The following IGF2R variants were observed in gnomAD, a reference collection of about 807,000 sequenced individuals.
IGF2R encodes the protein cation-independent mannose-6-phosphate receptor.
A neutral mutation model predicts 270.6 loss-of-function variants in IGF2R; 91 were observed. The observed-to-expected ratio is 0.34, with a 90% CI of 0.28 to 0.40. The LOEUF is 0.40. Ranked by LOEUF, IGF2R falls within the 10% of genes least tolerant of loss-of-function variation. The pLI, the probability that IGF2R is intolerant of heterozygous loss-of-function variation, is 1.00. For synonymous variants in IGF2R, 1,316 were observed against 1,258.9 expected (o/e 1.05, Z -0.96); for missense variants, 2,805 against 3,188.3 (o/e 0.88, Z 2.90).
At chr6:160,059,920 C>A (rs190802825) in intron 22 of IGF2R, among the ~76,000 whole-genome samples, 234 of 152,342 alleles carry the variant, frequency 1.5e-3, no homozygotes, top group Non-Finnish European at 2.8e-3. Flanking sequence ...AATAAGCCAA[C>A]GAATTAGAGT....
intron 1 of IGF2R, among the ~76,000 whole-genome samples, chr6:159,979,369 C>A (rs916360237): frequency 2.0e-5 from 3 of 152,208 alleles, no homozygotes; most frequent in Non-Finnish European, 2.9e-5. Flanking sequence ...AGTGGCAAGC[C>A]TGAGACTCCA....
Position 159,969,296 on chromosome 6 carries a change from G to A in IGF2R, c.50G>A (p.Arg17His). Residue 17 changes from arginine to histidine, a missense_variant, in exon 1 of 48, where the codon CGC becomes CAC. Arg to His is a conservative substitution (Grantham distance 29, BLOSUM62 0). This residue lies in a region of IGF2R where 954 missense variants were observed against 981.1 expected (regional missense o/e 0.97). Coordinates refer to ENST00000356956, the MANE Select transcript of IGF2R (RefSeq NM_000876.4). ...CCCCACCTGGGGCCCGCGCCCGCCC[G>A]CCGCCCGCAGCGCTCTCTGCTCCTG... ...RSPHLGPAPA[R>H]RPQRSLLLLQ... The A allele has an allele frequency of 1.6e-6, 2 of 1,227,108 alleles. No homozygotes were observed. The highest frequency in any genetic ancestry group is 2.0e-6 in the Non-Finnish European group (2 of 981,484). The allele number at this position is 1,227,108 out of a possible 1,614,324, so 76.0% of individuals were successfully genotyped here.
Position 159,970,200 on chromosome 6 carries a change from G to A in IGF2R, c.149+805G>A, listed in dbSNP as rs111631346. On this transcript the variant is annotated intron_variant, in intron 1 of 47. Transcript: ENST00000356956. ...CGCAACTGCTAGCAGTCCAGGGCCT[G>A]GGGAACTTCGAATTTCAGGAATTTT... 3.1e-4 allele frequency among the ~76,000 whole-genome samples: 47 copies of A among 152,260 alleles called. No homozygotes were observed. The East Asian group carries it at 7.5e-3, about 24-fold the overall frequency.
chr6:160,069,454 A>G (rs1778666720), intron 30 of IGF2R, among the ~76,000 whole-genome samples: 1 of 152,226 alleles, frequency 6.6e-6, no homozygotes, highest in African/African-American at 2.4e-5. Context: ...CACCCAGGGC[A>G]CATGGCACAG....
chr6:160,032,594 A>C lies in IGF2R; in HGVS notation c.926A>C (p.Glu309Ala). Residue 309 changes from glutamate (E) to alanine (A), a missense_variant, in exon 8 of 48, where the codon GAA becomes GCA. Glu to Ala is a moderately radical substitution (Grantham distance 107). Transcript: ENST00000356956. The stretch of plus-strand genomic sequence containing the variant: ...ACAGCTAAATCCAACTGCCGCTATG[A>C]AATTGAGTGGATTACTGAGTATGCC... The part of the protein sequence containing the change: ...KLTAKSNCRY[E>A]IEWITEYACH... 2 of 1,614,144 alleles carry C rather than the reference A, an allele frequency of 1.2e-6. No individual in the cohort carries two copies. Among genetic ancestry groups the C allele is most frequent in the Non-Finnish European group, 1.7e-6 (2 of 1,179,994 alleles).
chr6:160,062,675 C>T, intron 26 of IGF2R, 56 bp downstream of exon 26: 1 of 1,252,552 alleles, frequency 8.0e-7, no homozygotes, highest in South Asian at 1.2e-5. Context: ...AGCAGACGTT[C>T]TGAACGATGC....
At chr6:160,065,052 G>C (rs867609860) in intron 29 of IGF2R, 151 bp downstream of exon 29, 1 of 623,058 alleles carries the variant, frequency 1.6e-6, no homozygotes, top group South Asian at 1.9e-5. Context: ...AGTCGGGCTA[G>C]GTTAACTCTC....
chr6:160,108,570 G>A lies in IGF2R; in HGVS notation c.*3486G>A, dbSNP rs964835844. On this transcript the variant is annotated 3_prime_UTR_variant, in exon 48 of 48. Transcript: ENST00000356956. Reference sequence around the variant, plus strand: ...AGCTGAGAAGCCTCAGACTGCCTGCGAGGCTCTCTCTGGGAGGAAGTCAGG... The same window carrying A: ...AGCTGAGAAGCCTCAGACTGCCTGCAAGGCTCTCTCTGGGAGGAAGTCAGG... 6 of 152,252 alleles carry A rather than the reference G, an allele frequency of 3.9e-5. No homozygotes were observed. Among genetic ancestry groups the A allele is most frequent in the African/African-American group, 1.4e-4 (6 of 41,458 alleles). The allele number at this position is 152,252 out of a possible 1,614,324, so 9.4% of individuals were successfully genotyped here. A position where few individuals can be genotyped will look rare whatever the true frequency, so the allele number is the denominator to read the frequency against.
chr6:160,031,353 G>GT (rs1018114443), intron 7 of IGF2R, among the ~76,000 whole-genome samples: 8 of 151,828 alleles, frequency 5.3e-5, no homozygotes, highest in South Asian at 2.1e-4. Flanking sequence ...GTAAAGTTCA[G>GT]TTTTTTTTAA....
intron 4 of IGF2R, among the ~76,000 whole-genome samples, chr6:160,017,655 G>T (rs190418104): frequency 2.1e-3 from 325 of 152,240 alleles, no homozygotes; most frequent in Non-Finnish European, 2.7e-3. Context: ...ACTAATAGGG[G>T]ACTTCTCAGG....
At chr6:160,092,807 C>G (rs995603759) in intron 44 of IGF2R, among the ~76,000 whole-genome samples, 4 of 152,228 alleles carry the variant, frequency 2.6e-5, no homozygotes, top group Non-Finnish European at 5.9e-5. Context: ...ATGTCCGTCT[C>G]CTACCCTGCA....
In IGF2R at chr6:160,068,063, G is replaced by T. The variant is rs9457820; in HGVS notation, c.4116-186G>T. On this transcript the variant is annotated intron_variant, in intron 29 of 47. Coordinates refer to ENST00000356956, the MANE Select transcript of IGF2R (RefSeq NM_000876.4). ...GTTATGTTGTTGCTGATTCTGATGG[G>T]GGGTGTGTGTGTGTGTGTGTGTGTG... 9.9e-4 allele frequency among the ~76,000 whole-genome samples: 94 copies of T among 95,262 alleles called. 1 individual carries two copies. Among genetic ancestry groups the T allele is most frequent in the African/African-American group, 1.2e-3 (30 of 24,182 alleles). The allele number at this position is 95,262 out of a possible 152,430, so 62.5% of individuals were successfully genotyped here.
At chr6:160,013,956 A>G (rs1416907730) in intron 4 of IGF2R, among the ~76,000 whole-genome samples, 8 of 152,214 alleles carry the variant, frequency 5.3e-5, no homozygotes, top group African/African-American at 1.7e-4. Context: ...TAAAGAAAAA[A>G]AATCTCAATT....
chr6:160,012,763 ATTTTTTTTTTTTTT>A lies in IGF2R; in HGVS notation c.513+1980_513+1993del, dbSNP rs370417751. ...GGCTAATTTATATATATATATATAT[ATTTTTTTTTTTTTT>A]TGTTTGTTTGTTTGTTTATTTGTTT... On this transcript the variant is annotated intron_variant, in intron 4 of 47. Coordinates refer to ENST00000356956, the MANE Select transcript of IGF2R (RefSeq NM_000876.4). Among the ~76,000 whole-genome samples, 9 of 128,054 alleles carry A rather than the reference ATTTTTTTTTTTTTT, an allele frequency of 7.0e-5. 1 individual carries two copies. Among genetic ancestry groups the A allele is most frequent in the Middle Eastern group, 3.5e-3 (1 of 284 alleles). 84.0% of individuals were successfully genotyped at this position (128,054 alleles called of 152,430 possible). A position where few individuals can be genotyped will look rare whatever the true frequency, so the allele number is the denominator to read the frequency against.
intron 7 of IGF2R, among the ~76,000 whole-genome samples, chr6:160,030,737 C>T (rs956952095): frequency 1.5e-4 from 23 of 151,664 alleles, no homozygotes; most frequent in African/African-American, 5.1e-4. Flanking sequence ...GAGTTTTCCT[C>T]CTTTTTCTTC....
At chr6:159,976,991 C>T (rs1783705268) in intron 1 of IGF2R, among the ~76,000 whole-genome samples, 1 of 152,206 alleles carries the variant, frequency 6.6e-6, no homozygotes, top group Admixed American at 6.5e-5. Context: ...CTGGCTGCCG[C>T]TGTGGACAGG....
Position 160,040,669 on chromosome 6 carries a change from C to T in IGF2R, c.1425C>T (p.Cys475=), listed in dbSNP as rs200699942. ...TTAAGGAGAAGGAAGACCTCCTCTG[C>T]GGTGCCACCGACGGGAAGAAGCGCT... ...ACVKEKEDLL[C]GATDGKKRYD... is the part of the protein sequence containing the mutation. Residue 475 remains cysteine, a synonymous_variant, in exon 11 of 48, where the codon TGC becomes TGT. Coordinates refer to ENST00000356956, the MANE Select transcript of IGF2R (RefSeq NM_000876.4). 116 of 1,614,186 alleles carry T rather than the reference C, an allele frequency of 7.2e-5. 1 individual carries two copies. The East Asian group carries it at 2.1e-3, about 29-fold the overall frequency.
Position 160,073,857 on chromosome 6 carries a change from C to G in IGF2R, c.5048C>G (p.Ala1683Gly). The G allele has an allele frequency of 6.2e-7, 1 of 1,613,862 alleles. No individual in the cohort carries two copies. The highest frequency in any genetic ancestry group is 1.6e-4 in the Middle Eastern group (1 of 6,062). Reference protein sequence around the residue: ...YEAYDESEDDASDTNPDFYIN... With the variant: ...YEAYDESEDDGSDTNPDFYIN... Reference sequence around the variant, plus strand: ...GCTTATGATGAGAGTGAGGATGATGCCTCCGATACCAACCCTGATTTCTAC... The same window carrying G: ...GCTTATGATGAGAGTGAGGATGATGGCTCCGATACCAACCCTGATTTCTAC... The change falls in exon 35 of 48, where the codon GCC becomes GGC. Residue 1683 changes from alanine to glycine, a missense_variant. By Grantham distance (60) the Ala-to-Gly change is moderately conservative (BLOSUM62 0). This residue lies in a region of IGF2R where 1,851 missense variants were observed against 2,207.2 expected (regional missense o/e 0.84). Coordinates refer to ENST00000356956, the MANE Select transcript of IGF2R (RefSeq NM_000876.4).
At chr6:160,047,450 T>G in intron 16 of IGF2R, 114 bp downstream of exon 16, 1 of 926,200 alleles carries the variant, frequency 1.1e-6, no homozygotes, top group Non-Finnish European at 1.6e-6. Context: ...ATCACCGTCA[T>G]TAGATTTGCC....
Sources: gnomAD v4.1 joint callset for allele counts (sites outside exome capture counted in the v4.1 genomes callset) on GRCh38, gnomAD v4.1.1 for gene constraint, gnomAD v4.1.1 regional missense constraint, MANE v1.5 for transcripts, NCBI Gene and HGNC (gene_info 2026-07-23, HGNC 2026-07-21) for gene names.